The following VPS13A variants were observed in gnomAD, a reference collection of about 807,000 sequenced individuals.
VPS13A encodes the protein vacuolar protein sorting 13 homolog A, also known as intermembrane lipid transfer protein VPS13A.
Under a neutral mutation model 390.9 loss-of-function variants are expected in VPS13A, and 264 were observed. The observed-to-expected ratio is 0.68, with a 90% confidence interval of 0.61 to 0.75. The LOEUF is 0.75. Among genes scored for constraint, VPS13A ranks in the 30% least tolerant of loss-of-function variants. The pLI is 0.00. For synonymous variants in VPS13A, 1,231 were observed against 1,227.1 expected, an observed-to-expected ratio of 1.00 and a Z score of -0.07; for missense variants, 3,409 against 3,733.9, an observed-to-expected ratio of 0.91 and a Z score of 2.27.
At chr9:77,194,700 T>G (rs1824886458) in intron 1 of VPS13A, among the ~76,000 whole-genome samples, 1 of 152,130 alleles carries the variant, frequency 6.6e-6, no homozygotes, top group Admixed American at 6.5e-5. Flanking sequence ...CCCAGGAGCA[T>G]TTGGGGTCAG....
chr9:77,291,886 C>T (rs1246506812), intron 31 of VPS13A, among the ~76,000 whole-genome samples: 2 of 152,166 alleles, frequency 1.3e-5, no homozygotes, highest in Non-Finnish European at 2.9e-5. Context: ...TCTCGTATTT[C>T]CTATGTGGGA....
At chr9:77,276,543 A>G (rs942670271) in intron 26 of VPS13A, among the ~76,000 whole-genome samples, 4 of 152,224 alleles carry the variant, frequency 2.6e-5, no homozygotes, top group African/African-American at 7.2e-5. Flanking sequence ...CTTAAAAACA[A>G]CACAAATTTA....
chr9:77,323,590 A>G (rs1829859450), intron 45 of VPS13A, among the ~76,000 whole-genome samples: 1 of 152,172 alleles, frequency 6.6e-6, no homozygotes, highest in Admixed American at 6.5e-5. Flanking sequence ...TGAGGTATGT[A>G]CAATAAACTG....
chr9:77,200,101 T>A (rs909190503), intron 2 of VPS13A, 113 bp downstream of exon 2: 2 of 1,048,628 alleles, frequency 1.9e-6, no homozygotes, highest in Admixed American at 2.6e-5. Flanking sequence ...TTTTTGTAAA[T>A]AATTTTTGCA....
chr9:77,344,060 G>T, intron 50 of VPS13A, 93 bp from the exon 51 acceptor site: 1 of 1,230,702 alleles, frequency 8.1e-7, no homozygotes, highest in South Asian at 1.4e-5. Flanking sequence ...TTTTTTTATA[G>T]TTTAAGTCTA....
At chr9:77,401,381 TGGGA>T (rs1276693463) in intron 68 of VPS13A, among the ~76,000 whole-genome samples, 46 of 139,854 alleles carry the variant, frequency 3.3e-4, no homozygotes, top group Admixed American at 1.0e-3. Context: ...GTGTAAAAAT[TGGGA>T]GGGAGTCAAT....
chr9:77,333,327 A>C (rs1192331944), intron 46 of VPS13A, among the ~76,000 whole-genome samples: 2 of 151,958 alleles, frequency 1.3e-5, no homozygotes, highest in Non-Finnish European at 1.5e-5. Flanking sequence ...AATGAGAATT[A>C]GTAGTGATTA....
rs749655544 is a variant in VPS13A, at chr9:77,247,287, A to G, written c.1929A>G (p.Lys643=). The change falls in exon 20 of 72, where the codon AAA becomes AAG. Residue 643 remains lysine (K), a synonymous_variant. Transcript: ENST00000360280. The stretch of plus-strand genomic sequence containing the variant: ...TACTGTATATTATTGAAACACAGAA[A>G]GTTCTTGATCTCAAAATTAATTTGA... ...TGLLYIIETQ[K]VLDLKINLKA... is the part of the protein sequence containing the mutation. 1.1e-5 allele frequency: 17 copies of G among 1,602,706 alleles called. No individual in the cohort carries two copies. The Middle Eastern group carries it at 5.0e-4, about 47-fold the overall frequency.
intron 46 of VPS13A, 53 bp downstream of exon 46, chr9:77,332,166 G>A (rs2131481366): frequency 7.0e-7 from 1 of 1,423,840 alleles, no homozygotes; most frequent in Non-Finnish European, 9.9e-7. Context: ...AGAATTTTTA[G>A]TTTCTGATTT....
chr9:77,408,950 G>T (rs558086312), intron 71 of VPS13A, among the ~76,000 whole-genome samples: 1 of 152,302 alleles, frequency 6.6e-6, no homozygotes, highest in African/African-American at 2.4e-5. Context: ...GAGAGTAGTG[G>T]TTCTCCCAGC....
At chr9:77,314,199 AT>A in intron 36 of VPS13A, 80 bp downstream of exon 36, 2 of 1,472,498 alleles carry the variant, frequency 1.4e-6, no homozygotes, top group Non-Finnish European at 1.9e-6. Context: ...ACAAATGTTA[AT>A]ATTTAACATT....
At chr9:77,198,318 C>T (rs1380193855) in intron 1 of VPS13A, among the ~76,000 whole-genome samples, 2 of 152,138 alleles carry the variant, frequency 1.3e-5, no homozygotes, top group African/African-American at 4.8e-5. Context: ...ATTTTATAAA[C>T]TGTCATAATT....
rs1456374282 is a variant in VPS13A at position 77,306,342 on chromosome 9, C to CA, written c.3961-1600dup. Among the ~76,000 whole-genome samples, 4 of 151,330 alleles carry CA rather than the reference C, an allele frequency of 2.6e-5. No homozygotes were observed. In the East Asian group the frequency reaches 7.7e-4, roughly 29 times the overall value. The stretch of plus-strand genomic sequence containing the variant: ...GACAAACTTAGAAGTGAGCCAAACT[C>CA]AAAGATCTTTTTTACATTATTTCTG... On this transcript the variant is annotated intron_variant, in intron 34 of 71. Coordinates refer to ENST00000360280, the MANE Select transcript of VPS13A (RefSeq NM_033305.3).
At chr9:77,357,316 CAAAAA>C (rs1156801817) in intron 55 of VPS13A, among the ~76,000 whole-genome samples, 18 of 44,602 alleles carry the variant, frequency 4.0e-4, no homozygotes, top group African/African-American at 1.1e-3. Flanking sequence ...GACTCTGTCT[CAAAAA>C]AAAAAAAAAA....
At chr9:77,399,180 A>AT (rs1834253304) in intron 68 of VPS13A, among the ~76,000 whole-genome samples, 2 of 81,034 alleles carry the variant, frequency 2.5e-5, no homozygotes, top group African/African-American at 1.2e-4. Flanking sequence ...AAAAAAAAAA[A>AT]TAAAAAAAAA....
chr9:77,215,438 A>G (rs1234450112), intron 10 of VPS13A, among the ~76,000 whole-genome samples: 1 of 152,196 alleles, frequency 6.6e-6, no homozygotes, highest in Non-Finnish European at 1.5e-5. Flanking sequence ...AGAACAGATG[A>G]GTTATCTGTC....
intron 69 of VPS13A, among the ~76,000 whole-genome samples, chr9:77,404,067 A>G (rs968806032): frequency 6.6e-6 from 1 of 152,218 alleles, no homozygotes; most frequent in African/African-American, 2.4e-5. Flanking sequence ...TCTAAAATGT[A>G]TAGCCCTATT....
chr9:77,245,631 A>G, intron 19 of VPS13A, among the ~76,000 whole-genome samples: 1 of 152,134 alleles, frequency 6.6e-6, no homozygotes, highest in East Asian at 1.9e-4. Flanking sequence ...GCTATGGGAA[A>G]TGCCAGGGTT....
chr9:77,182,052 T>C (rs1202250247), intron 1 of VPS13A, among the ~76,000 whole-genome samples: 1 of 152,152 alleles, frequency 6.6e-6, no homozygotes, highest in Non-Finnish European at 1.5e-5. Context: ...CATAGACTCA[T>C]CTGAAATTTA....
Sources: allele counts gnomAD v4.1 joint callset (sites outside exome capture counted in the v4.1 genomes callset), GRCh38; gene constraint gnomAD v4.1.1; transcripts MANE v1.5; gene names NCBI Gene and HGNC (gene_info 2026-07-23, HGNC 2026-07-21).